Variants in ARHGEF33 observed in about 807,000 individuals in gnomAD.
ARHGEF33 encodes the protein DH and coiled-coil domain-containing protein ENSP00000381780.
Under a neutral mutation model 101.9 loss-of-function variants are expected in ARHGEF33, and 72 were observed. The observed-to-expected ratio is 0.71, with a 90% CI of 0.58 to 0.86. ARHGEF33 has a LOEUF of 0.86. Ranked by LOEUF, ARHGEF33 falls within the 40% of genes least tolerant of loss-of-function variation. ARHGEF33 has a pLI of 0.00. For synonymous variants in ARHGEF33, 499 were observed against 442.5 expected (o/e 1.13, Z -1.60); for missense variants, 1,169 against 1,111.3 (o/e 1.05, Z -0.74).
At position 38,957,773 on chromosome 2, in the gene ARHGEF33, A is replaced by G. The variant is rs570570735; in HGVS notation, c.1371-261A>G. ...AGAAAAAGATGCTGTCTCCCAAGCC[A>G]GGGTTCCTGTTATGGAAGCTGTCTC... On this transcript the variant is annotated intron_variant, in intron 14 of 17. Coordinates refer to ENST00000409978, the MANE Select transcript of ARHGEF33 (RefSeq NM_001145451.5). 32 of 409,902 alleles carry G rather than the reference A, an allele frequency of 7.8e-5. No individual in the cohort carries two copies. In the South Asian group the frequency reaches 1.2e-3, roughly 16 times the overall value. The allele number at this position is 409,902 out of a possible 1,614,324, so 25.4% of individuals were successfully genotyped here.
chr2:38,967,964 TA>T (rs1247219605), intron 17 of ARHGEF33, among the ~76,000 whole-genome samples: 2 of 139,578 alleles, frequency 1.4e-5, no homozygotes, highest in African/African-American at 3.0e-5. Flanking sequence ...TTTTTTTTTT[TA>T]AACCACAGTA....
intron 11 of ARHGEF33, among the ~76,000 whole-genome samples, chr2:38,951,625 A>G (rs1667607638): frequency 6.6e-6 from 1 of 151,696 alleles, no homozygotes; most frequent in South Asian, 2.1e-4. Flanking sequence ...AAAAGTATAT[A>G]TACATTAAAA....
intron 10 of ARHGEF33, among the ~76,000 whole-genome samples, chr2:38,948,204 C>T (rs1667500473): frequency 6.6e-6 from 1 of 152,172 alleles, no homozygotes; most frequent in African/African-American, 2.4e-5. Context: ...GTGGCTTGTA[C>T]TTGCCATCTT....
chr2:38,898,680 A>C (rs1443811681), intron 2 of ARHGEF33, among the ~76,000 whole-genome samples: 1 of 152,258 alleles, frequency 6.6e-6, no homozygotes, highest in East Asian at 1.9e-4. Context: ...ACTTAAAAAA[A>C]GGAAAATATT....
chr2:38,908,428 A>G (rs1351732596), intron 2 of ARHGEF33, among the ~76,000 whole-genome samples: 1 of 152,178 alleles, frequency 6.6e-6, no homozygotes, highest in Non-Finnish European at 1.5e-5. Flanking sequence ...TTATGTCTTC[A>G]ATGAGGCATT....
intron 1 of ARHGEF33, among the ~76,000 whole-genome samples, chr2:38,891,757 AAC>A (rs1666011131): frequency 6.6e-6 from 1 of 151,518 alleles, no homozygotes. Context: ...ATGAGTGTGA[AAC>A]ACAGTTTAAC....
chr2:38,956,712 G>A (rs1013504540), intron 13 of ARHGEF33, among the ~76,000 whole-genome samples, 187 bp from the exon 14 acceptor site: 52 of 152,172 alleles, frequency 3.4e-4, no homozygotes, highest in African/African-American at 1.2e-3. Context: ...CTTATTTTCC[G>A]TTGGTATGAT....
At position 38,931,223 on chromosome 2, in the gene ARHGEF33, C is replaced by G. The variant is rs943979841; in HGVS notation, c.477C>G (p.Asn159Lys). The change falls in exon 7 of 18, where the codon AAC (asparagine) becomes AAG (lysine). Residue 159 changes from asparagine (N) to lysine (K), a missense_variant. By Grantham distance (94) the Asn-to-Lys change is moderately conservative. Transcript: ENST00000409978. ...EPVLPSEDFT[N>K]LLPSQAYEKA... Reference sequence around the variant, plus strand: ...TTCTTCCAAGCGAAGACTTTACCAACCTTTTGCCTTCTCAGGCCTACGAGA... The same window carrying G: ...TTCTTCCAAGCGAAGACTTTACCAAGCTTTTGCCTTCTCAGGCCTACGAGA... 6.4e-7 allele frequency: 1 copy of G among 1,550,468 alleles called. No individual in the cohort carries two copies. The highest frequency in any genetic ancestry group is 8.7e-7 in the Non-Finnish European group (1 of 1,146,634).
Position 38,960,548 on chromosome 2 carries a change from G to A in ARHGEF33, c.2243G>A (p.Gly748Asp). 1 of 1,273,624 alleles carries A rather than the reference G, an allele frequency of 7.9e-7. No individual in the cohort carries two copies. Among genetic ancestry groups the A allele is most frequent in the Non-Finnish European group, 1.0e-6 (1 of 997,894 alleles). 78.9% of individuals were successfully genotyped at this position (1,273,624 alleles called of 1,614,324 possible). ...GCCGAGCGCGCCGCGCAGGCGCACG[G>A]CCCGGCCGCCGCCGCCGTCGCCGCC... ...IKAERAAQAH[G>D]PAAAAVAARG... is the part of the protein sequence containing the mutation. Residue 748 changes from glycine to aspartate, a missense_variant, in exon 16 of 18, where the codon GGC becomes GAC. Coordinates refer to ENST00000409978, the MANE Select transcript of ARHGEF33 (RefSeq NM_001145451.5).
chr2:38,960,180 G>A lies in ARHGEF33; in HGVS notation c.1875G>A (p.Leu625=), dbSNP rs1667881905. Residue 625 remains leucine, a synonymous_variant, in exon 16 of 18, where the codon CTG becomes CTA. Coordinates refer to ENST00000409978, the MANE Select transcript of ARHGEF33 (RefSeq NM_001145451.5). The stretch of plus-strand genomic sequence containing the variant: ...AGTACGGCGGCGAGATCTTCGCGCT[G>A]CCCGCGCCCTACGACGAGGAGCCGT... ...EFEYGGEIFA[L]PAPYDEEPFQ... 1 of 1,543,478 alleles carries A rather than the reference G, an allele frequency of 6.5e-7. No homozygotes were observed. The highest frequency in any genetic ancestry group is 8.7e-7 in the Non-Finnish European group (1 of 1,144,594).
At chr2:38,918,876 A>AC (rs1666693292) in intron 2 of ARHGEF33, among the ~76,000 whole-genome samples, 1 of 138,010 alleles carries the variant, frequency 7.2e-6, no homozygotes, top group Admixed American at 7.2e-5. Context: ...CCCCATCTCT[A>AC]CAAAAAAAAA....
At chr2:38,916,962 G>A (rs987643415) in intron 2 of ARHGEF33, among the ~76,000 whole-genome samples, 22 of 151,812 alleles carry the variant, frequency 1.4e-4, no homozygotes, top group African/African-American at 3.9e-4. Context: ...CACCACGCCC[G>A]ATTAATTTTG....
chr2:38,922,949 A>C (rs1262663154), intron 4 of ARHGEF33, among the ~76,000 whole-genome samples: 1 of 152,200 alleles, frequency 6.6e-6, no homozygotes, highest in Admixed American at 6.5e-5. Context: ...TTGATGCTTC[A>C]CTGGTCCAAG....
intron 2 of ARHGEF33, among the ~76,000 whole-genome samples, chr2:38,911,455 G>C (rs1330059920): frequency 6.6e-6 from 1 of 152,174 alleles, no homozygotes; most frequent in Admixed American, 6.5e-5. Flanking sequence ...GCAGTAATTG[G>C]AAAGTAATAG....
At chr2:38,952,246 A>G (rs1195054660) in intron 11 of ARHGEF33, among the ~76,000 whole-genome samples, 6 of 152,200 alleles carry the variant, frequency 3.9e-5, no homozygotes. Flanking sequence ...TTTACAAATT[A>G]TTTTCTTCTA....
Position 38,973,736 on chromosome 2 carries a change from G to GA in ARHGEF33, c.2512dup (p.Thr838AsnfsTer2). 1 of 1,542,300 alleles carries GA rather than the reference G, an allele frequency of 6.5e-7. No homozygotes were observed. Among genetic ancestry groups the GA allele is most frequent in the Non-Finnish European group, 8.7e-7 (1 of 1,142,940 alleles). Reference sequence around the variant, plus strand: ...TAGGTCCAGTGGATCAGAATACAGGGAAAAAACTAATGAGAATCCCTCAAT... The same window carrying GA: ...TAGGTCCAGTGGATCAGAATACAGGGAAAAAAACTAATGAGAATCCCTCAAT... On this transcript the variant is annotated frameshift_variant, in exon 18 of 18. Transcript: ENST00000409978. LOFTEE classifies it high-confidence loss of function.
chr2:38,958,168 C>G lies in ARHGEF33; in HGVS notation c.1505C>G (p.Pro502Arg), dbSNP rs1318972683. The G allele has an allele frequency of 2.6e-6, 4 of 1,551,780 alleles. No individual in the cohort carries two copies. The highest frequency in any genetic ancestry group is 3.5e-6 in the Non-Finnish European group (4 of 1,147,018). The stretch of plus-strand genomic sequence containing the variant: ...TCAGAAGAGTTGCTGCAACCCTACC[C>G]TTCTGCTCCCAGTTCTGGCCCTGCC... Reference protein sequence around the residue: ...IHSEELLQPYPSAPSSGPAIT... With the variant: ...IHSEELLQPYRSAPSSGPAIT... The change falls in exon 15 of 18, where the codon CCT (proline) becomes CGT (arginine). Residue 502 changes from proline to arginine, a missense_variant. By Grantham distance (103) the Pro-to-Arg change is moderately radical (BLOSUM62 -2). Coordinates refer to ENST00000409978, the MANE Select transcript of ARHGEF33 (RefSeq NM_001145451.5).
chr2:38,919,972 T>C (rs1479835126), intron 3 of ARHGEF33, among the ~76,000 whole-genome samples: 1 of 152,228 alleles, frequency 6.6e-6, no homozygotes, highest in Non-Finnish European at 1.5e-5. Context: ...TACCAGGCTG[T>C]TGGGACATAG....
chr2:38,943,880 C>T (rs1202140457), intron 9 of ARHGEF33, 21 bp from the exon 10 acceptor site: 25 of 1,548,972 alleles, frequency 1.6e-5, no homozygotes, highest in Non-Finnish European at 2.2e-5. Context: ...ATATCAAGTC[C>T]TCTTTGGTTT....
Sources: allele counts gnomAD v4.1 joint callset (sites outside exome capture counted in the v4.1 genomes callset), GRCh38; gene constraint gnomAD v4.1.1; transcripts MANE v1.5; gene names NCBI Gene and HGNC (gene_info 2026-07-23, HGNC 2026-07-21).